ASB11: variants seen among roughly 807,000 people sequenced by gnomAD.
ASB11 encodes the protein ankyrin repeat and SOCS box containing 11.
ASB11 carries 17 observed loss-of-function variants against 20.1 expected under a neutral mutation model. The observed-to-expected ratio is 0.85, with a 90% CI of 0.58 to 1.27. ASB11 has a LOEUF of 1.27. ASB11 is among the 50% of genes most tolerant of loss of function. ASB11 has a pLI of 0.00. For synonymous variants in ASB11, 107 were observed against 105.6 expected (o/e 1.01, Z -0.08); for missense variants, 259 against 256.9 (o/e 1.01, Z -0.06).
At chrX:15,289,351 G>A (rs1330355885) in intron 5 of ASB11, among the ~76,000 whole-genome samples, 153 bp downstream of exon 5, 2 of 112,670 alleles carry the variant, frequency 1.8e-5, no homozygotes, top group African/African-American at 6.4e-5. Context: ...GAGAAATACA[G>A]ACACTCATTT....
At chrX:15,290,202 A>G (rs916928667) in intron 4 of ASB11, among the ~76,000 whole-genome samples, 2 of 111,149 alleles carry the variant, frequency 1.8e-5, no homozygotes, top group African/African-American at 6.5e-5. Context: ...GTTAACTTTA[A>G]CTGAACTAAG....
chrX:15,291,598 G>C (rs1019464929), intron 4 of ASB11, among the ~76,000 whole-genome samples: 1 of 108,719 alleles, frequency 9.2e-6, no homozygotes, highest in South Asian at 4.0e-4. Context: ...TCTCAGCTAC[G>C]TGGGAGGCTG....
intron 2 of ASB11, among the ~76,000 whole-genome samples, chrX:15,298,542 G>A (rs929378328): frequency 2.7e-5 from 3 of 111,455 alleles, no homozygotes; most frequent in Non-Finnish European, 5.7e-5. Context: ...CTGCTAGGCT[G>A]CGGAGGGTCT....
intron 5 of ASB11, among the ~76,000 whole-genome samples, chrX:15,288,545 G>A (rs1037650758): frequency 1.8e-5 from 2 of 111,566 alleles, no homozygotes; most frequent in Non-Finnish European, 3.8e-5. Flanking sequence ...TTTATGTCAG[G>A]GGCTAAGTTT....
chrX:15,284,228 G>A (rs1341380861), intron 6 of ASB11, among the ~76,000 whole-genome samples: 2 of 101,381 alleles, frequency 2.0e-5, no homozygotes, highest in Middle Eastern at 4.9e-3. Context: ...CTCCAGCCTG[G>A]GCGACAGAGC....
intron 3 of ASB11, 146 bp downstream of exon 3, chrX:15,297,428 G>A: frequency 2.5e-6 from 1 of 400,241 alleles, no homozygotes; most frequent in Non-Finnish European, 4.3e-6. Context: ...AGAGAGAGGA[G>A]TAGCCTAAAT....
At chrX:15,309,981 A>AAAAAAAAAAAAAAAAAAAAAAAAAAC (rs1921376630) in intron 1 of ASB11, among the ~76,000 whole-genome samples, 1 of 103,703 alleles carries the variant, frequency 9.6e-6, no homozygotes, top group African/African-American at 3.5e-5. Context: ...AAAAAAAAAA[A>AAAAAAAAAAAAAAAAAAAAAAAAAAC]AAAAAAAAAA....
Position 15,302,736 on chromosome X carries a change from T to C in ASB11, c.253A>G (p.Ile85Val). The change falls in exon 2 of 7, where the codon ATT (isoleucine) becomes GTT (valine). Residue 85 changes from isoleucine (I) to valine (V), a missense_variant. Physicochemically the swap from Ile to Val is conservative, Grantham distance 29. Transcript: ENST00000480796. Reference sequence around the variant, plus strand: ...GTCTTCAGTTCACTTACTTGTGCAATTAAAGTTTTAAGGGCCAGTAAGCGC... The same window carrying C: ...GTCTTCAGTTCACTTACTTGTGCAACTAAAGTTTTAAGGGCCAGTAAGCGC... ...QGRLLALKTLIAQGVNVNLVT... is the reference protein window; with the variant it reads ...QGRLLALKTLVAQGVNVNLVT... The C allele has an allele frequency of 8.3e-7, 1 of 1,203,587 alleles. No individual in the cohort carries two copies. The highest frequency in any genetic ancestry group is 1.8e-5 in the South Asian group (1 of 56,776).
chrX:15,301,229 CT>C (rs201791187), intron 2 of ASB11, among the ~76,000 whole-genome samples: 3,170 of 111,667 alleles, frequency 0.028, 109 homozygotes, highest in African/African-American at 0.098. Flanking sequence ...TCCTAAAGTG[CT>C]AGGATTACAG....
intron 1 of ASB11, among the ~76,000 whole-genome samples, chrX:15,310,609 T>A (rs1406098238): frequency 2.9e-4 from 33 of 112,512 alleles, no homozygotes; most frequent in Non-Finnish European, 1.3e-4. Flanking sequence ...TTCCAACCAT[T>A]TGAGATAAAA....
At chrX:15,306,905 A>G (rs889396525) in intron 1 of ASB11, among the ~76,000 whole-genome samples, 1 of 111,740 alleles carries the variant, frequency 8.9e-6, no homozygotes, top group African/African-American at 3.3e-5. Context: ...GAATGCATGC[A>G]CTGGGGTTGG....
Position 15,302,605 on chromosome X carries a change from G to A in ASB11, c.261+123C>T, listed in dbSNP as rs1263684174. 6 of 620,780 alleles carry A rather than the reference G, an allele frequency of 9.7e-6. No individual in the cohort carries two copies. The African/African-American group carries it at 1.3e-4, about 14-fold the overall frequency. 51.2% of individuals were successfully genotyped at this position (620,780 alleles called of 1,213,427 possible). A position where few individuals can be genotyped will look rare whatever the true frequency, so the allele number is the denominator to read the frequency against. On this transcript the variant is annotated intron_variant, in intron 2 of 6. Transcript: ENST00000480796. ...CAGTGAGGTATGAGAGGACATACGTGCCTCGAATGGCAATGGTGGGACCTG... is the reference window on the plus strand; with the variant it reads ...CAGTGAGGTATGAGAGGACATACGTACCTCGAATGGCAATGGTGGGACCTG...
Position 15,315,614 on chromosome X carries a change from A to C in ASB11, c.-9T>G. The C allele has an allele frequency of 8.7e-7, 1 of 1,146,694 alleles. No homozygotes were observed. Among genetic ancestry groups the C allele is most frequent in the African/African-American group, 1.8e-5 (1 of 55,334 alleles). 94.5% of individuals were successfully genotyped at this position (1,146,694 alleles called of 1,213,427 possible). ...ACAGGACCATCTTCCATTTTGGCTT[A>C]TGCTCTGTATAGGGTCCTAGGACTG... is the stretch of plus-strand genomic sequence containing the variant. On this transcript the variant is annotated 5_prime_UTR_variant, in exon 1 of 7. Coordinates refer to ENST00000480796, the MANE Select transcript of ASB11 (RefSeq NM_080873.3).
At chrX:15,284,082 G>GCATC (rs1927282168) in intron 6 of ASB11, among the ~76,000 whole-genome samples, 1 of 104,043 alleles carries the variant, frequency 9.6e-6, no homozygotes, top group Non-Finnish European at 1.9e-5. Context: ...GAAACCCCGT[G>GCATC]TCCACTAAAA....
At chrX:15,289,841 T>C in intron 4 of ASB11, 2 of 316,574 alleles carry the variant, frequency 6.3e-6, no homozygotes, top group South Asian at 9.2e-5. Context: ...CTGGCCAACA[T>C]GGTGAAACCC....
intron 1 of ASB11, among the ~76,000 whole-genome samples, chrX:15,310,730 G>A (rs1328659332): frequency 8.9e-6 from 1 of 112,640 alleles, no homozygotes; most frequent in Non-Finnish European, 1.9e-5. Flanking sequence ...GCTTATGCCT[G>A]TAATCCCAGC....
Position 15,308,869 on chromosome X carries a change from C to T in ASB11, c.182-6062G>A, listed in dbSNP as rs1921329445. On this transcript the variant is annotated intron_variant, in intron 1 of 6. Coordinates refer to ENST00000480796, the MANE Select transcript of ASB11 (RefSeq NM_080873.3). The stretch of plus-strand genomic sequence containing the variant: ...GGCCATTCCGTGGCCTGTTAGGAAC[C>T]GGGCTGCACAGCAGGAAGTGAGCAG... Among the ~76,000 whole-genome samples the T allele has an allele frequency of 3.6e-5, 4 of 111,489 alleles. No individual in the cohort carries two copies. In the Admixed American group the frequency reaches 3.8e-4, roughly 11 times the overall value.
At chrX:15,286,110 A>G (rs1263286762) in intron 6 of ASB11, among the ~76,000 whole-genome samples, 1 of 111,452 alleles carries the variant, frequency 9.0e-6, no homozygotes, top group East Asian at 2.8e-4. Context: ...CCTGCTAGAC[A>G]TGCAGAGTCA....
At chrX:15,297,785 C>G in intron 2 of ASB11, 104 bp from the exon 3 acceptor site, 1 of 733,037 alleles carries the variant, frequency 1.4e-6, no homozygotes, top group Non-Finnish European at 2.0e-6. Context: ...ATCTTCCTGC[C>G]TCAGCATCCT....
Sources: gnomAD v4.1 joint callset for allele counts (sites outside exome capture counted in the v4.1 genomes callset) on GRCh38, gnomAD v4.1.1 for gene constraint, MANE v1.5 for transcripts, NCBI Gene and HGNC (gene_info 2026-07-23, HGNC 2026-07-21) for gene names.